NACC2: variants seen among roughly 807,000 people sequenced by gnomAD.
The protein encoded by NACC2 is nucleus accumbens-associated protein 2.
A neutral mutation model predicts 25.1 loss-of-function variants in NACC2; 8 were observed. That is an observed-to-expected ratio of 0.32 (90% CI 0.19 to 0.57). The LOEUF (loss-of-function observed/expected upper bound fraction) is 0.57, where lower values mean the gene tolerates loss of function less well. Among genes scored for constraint, NACC2 ranks in the 20% least tolerant of loss-of-function variants. The pLI, the probability that NACC2 is intolerant of heterozygous loss-of-function variation, is 0.89. For synonymous variants in NACC2, 435 were observed against 294.7 expected (o/e 1.48, Z -4.88); for missense variants, 644 against 650.2 (o/e 0.99, Z 0.10).
At chr9:136,023,635 T>C (rs1157854054) in intron 2 of NACC2, among the ~76,000 whole-genome samples, 2 of 152,230 alleles carry the variant, frequency 1.3e-5, no homozygotes, top group Admixed American at 6.5e-5. Flanking sequence ...TGATTTTTAT[T>C]GCTGATCTGA....
intron 2 of NACC2, among the ~76,000 whole-genome samples, chr9:136,046,271 G>C (rs1374843089): frequency 6.6e-6 from 1 of 152,216 alleles, no homozygotes; most frequent in African/African-American, 2.4e-5. Flanking sequence ...ACGCCAGGCA[G>C]GGACGCCTGC....
intron 1 of NACC2, 132 bp from the exon 2 acceptor site, chr9:136,050,712 C>T (rs1316210393): frequency 1.6e-6 from 1 of 616,298 alleles, no homozygotes; most frequent in Non-Finnish European, 2.9e-6. Flanking sequence ...CCTCCCCCGC[C>T]CCTCCTGGCT....
chr9:136,086,434 G>A lies in NACC2; in HGVS notation c.-60+8755C>T, dbSNP rs1248893770. ...GATGGCACCGGGCCTGGCTCTTGAG[G>A]TCCCAGGTCTGCGAGCGGCTGGGCT... On this transcript the variant is annotated intron_variant, in intron 1 of 5. Coordinates refer to ENST00000277554, the MANE Select transcript of NACC2 (RefSeq NM_144653.5). The surrounding 1 kb of genome is among the most constrained non-coding windows in gnomAD (Gnocchi z 5.6). Among the ~76,000 whole-genome samples, 2 of 152,114 alleles carry A rather than the reference G, an allele frequency of 1.3e-5. No individual in the cohort carries two copies. The highest frequency in any genetic ancestry group is 2.9e-5 in the Non-Finnish European group (2 of 68,010).
At chr9:136,068,217 G>A (rs1841110282) in intron 1 of NACC2, among the ~76,000 whole-genome samples, 1 of 152,132 alleles carries the variant, frequency 6.6e-6, no homozygotes, top group South Asian at 2.1e-4. Flanking sequence ...TAATTGTGTG[G>A]CTGGGCGCAG....
At chr9:136,031,396 G>A (rs941826248) in intron 2 of NACC2, among the ~76,000 whole-genome samples, 1 of 152,080 alleles carries the variant, frequency 6.6e-6, no homozygotes, top group Non-Finnish European at 1.5e-5. Context: ...GGGGTGCAGT[G>A]GCACAATCTC....
At chr9:136,092,738 C>T (rs186938073) in intron 1 of NACC2, among the ~76,000 whole-genome samples, 2 of 152,288 alleles carry the variant, frequency 1.3e-5, no homozygotes, top group Admixed American at 6.5e-5. Context: ...CAAATGTGTT[C>T]GTTACACTGG....
intron 1 of NACC2, among the ~76,000 whole-genome samples, chr9:136,070,448 A>C (rs1841136266): frequency 6.6e-6 from 1 of 151,854 alleles, no homozygotes. Flanking sequence ...CGGAGGTTGC[A>C]GTGAGCCGAG....
At chr9:136,049,310 C>T (rs1314350971) in intron 2 of NACC2, among the ~76,000 whole-genome samples, 3 of 152,226 alleles carry the variant, frequency 2.0e-5, no homozygotes, top group African/African-American at 7.2e-5. Flanking sequence ...TCCTCCCGTA[C>T]ACCGCGTGGC....
chr9:136,045,594 C>T (rs1840711043), intron 2 of NACC2, among the ~76,000 whole-genome samples: 1 of 152,190 alleles, frequency 6.6e-6, no homozygotes, highest in African/African-American at 2.4e-5. Flanking sequence ...TCCGGGCAGC[C>T]CCCTCCCCTT....
rs1840140299 is a variant in NACC2 at position 136,013,177 on chromosome 9, CGA to C, written c.1255+20_1255+21del. The C allele has an allele frequency of 2.7e-6, 4 of 1,487,414 alleles. No homozygotes were observed. The highest frequency in any genetic ancestry group is 3.7e-6 in the Non-Finnish European group (4 of 1,071,822). The allele number at this position is 1,487,414 out of a possible 1,614,324, so 92.1% of individuals were successfully genotyped here. A position where few individuals can be genotyped will look rare whatever the true frequency, so the allele number is the denominator to read the frequency against. The stretch of plus-strand genomic sequence containing the variant: ...GAACCCAGCCCCGGCCCCACCCACC[CGA>C]GAGACCCCCAGGCTCTTACATTTCA... On this transcript the variant is annotated intron_variant, in intron 5 of 5. Coordinates refer to ENST00000277554, the MANE Select transcript of NACC2 (RefSeq NM_144653.5). The surrounding 1 kb of genome is among the most constrained non-coding windows in gnomAD (Gnocchi z 6.6).
chr9:136,088,874 G>A (rs866747189), intron 1 of NACC2, among the ~76,000 whole-genome samples: 4 of 152,186 alleles, frequency 2.6e-5, no homozygotes, highest in African/African-American at 4.8e-5. Context: ...CCCAGCCCCC[G>A]GCATCCTGGG....
chr9:136,082,764 G>T (rs1485716773), intron 1 of NACC2, among the ~76,000 whole-genome samples: 1 of 152,194 alleles, frequency 6.6e-6, no homozygotes, highest in East Asian at 1.9e-4. Flanking sequence ...TCCCCGGCGG[G>T]TGGGGCTGGC....
At position 136,086,661 on chromosome 9, in the gene NACC2, A is replaced by G. The variant is rs1830381446; in HGVS notation, c.-60+8528T>C. Among the ~76,000 whole-genome samples, 1 of 152,168 alleles carries G rather than the reference A, an allele frequency of 6.6e-6. No homozygotes were observed. ...ATAATTAACACGAATCCTGTTCCCA[A>G]ACTTACATAACCGCAGATGACAACG... On this transcript the variant is annotated intron_variant, in intron 1 of 5. Coordinates refer to ENST00000277554, the MANE Select transcript of NACC2 (RefSeq NM_144653.5). The surrounding 1 kb of genome is among the most constrained non-coding windows in gnomAD (Gnocchi z 5.6).
At chr9:136,090,608 C>T (rs1830424584) in intron 1 of NACC2, among the ~76,000 whole-genome samples, 1 of 152,240 alleles carries the variant, frequency 6.6e-6, no homozygotes, top group Non-Finnish European at 1.5e-5. Flanking sequence ...CTCTGGCCAA[C>T]AGCACAGCCC....
At chr9:136,027,203 C>A (rs1026308104) in intron 2 of NACC2, among the ~76,000 whole-genome samples, 1 of 152,012 alleles carries the variant, frequency 6.6e-6, no homozygotes, top group South Asian at 2.1e-4. Flanking sequence ...CCAGCCTGGA[C>A]GATGGAGCAA....
rs933388598 is a variant in NACC2, at chr9:136,048,994, C to T, written c.886+642G>A. ...CACACAGTCAGGTTGCAGGGACACC[C>T]GATCCTGGGCACCAACTGTGGGACT... is the stretch of plus-strand genomic sequence containing the variant. On this transcript the variant is annotated intron_variant, in intron 2 of 5. Coordinates refer to ENST00000277554, the MANE Select transcript of NACC2 (RefSeq NM_144653.5). Among the ~76,000 whole-genome samples, 11 of 152,336 alleles carry T rather than the reference C, an allele frequency of 7.2e-5. No homozygotes were observed. The East Asian group carries it at 1.4e-3, about 19-fold the overall frequency.
intron 1 of NACC2, among the ~76,000 whole-genome samples, chr9:136,082,258 T>G (rs1830331830): frequency 6.6e-6 from 1 of 152,076 alleles, no homozygotes; most frequent in South Asian, 2.1e-4. Context: ...CACGGCCTGA[T>G]GGAAGGGGGC....
intron 2 of NACC2, among the ~76,000 whole-genome samples, chr9:136,045,343 G>T (rs1445858398): frequency 7.9e-6 from 1 of 126,686 alleles, no homozygotes; most frequent in South Asian, 2.8e-4. Context: ...CCCCTGCCAG[G>T]AAAGGGTTAC....
chr9:136,014,364 G>C (rs1301679130), intron 3 of NACC2, among the ~76,000 whole-genome samples: 2 of 152,100 alleles, frequency 1.3e-5, no homozygotes, highest in African/African-American at 2.4e-5. Context: ...GAGAGCAGTG[G>C]TGCCATCATG....
Sources: allele counts gnomAD v4.1 joint callset (sites outside exome capture counted in the v4.1 genomes callset), GRCh38; gene constraint gnomAD v4.1.1; non-coding constraint Gnocchi (gnomAD v3.1); transcripts MANE v1.5; gene names NCBI Gene and HGNC (gene_info 2026-07-23, HGNC 2026-07-21).